The following VPS8 variants were observed in gnomAD, a reference collection of about 807,000 sequenced individuals.
VPS8 encodes the protein vacuolar protein sorting-associated protein 8 homolog.
In VPS8, 129 loss-of-function variants were observed where a neutral mutation model predicts 216.4. The observed-to-expected ratio is 0.60, with a 90% CI of 0.52 to 0.69. The LOEUF is 0.69. Among genes scored for constraint, VPS8 ranks in the 30% least tolerant of loss-of-function variants. VPS8 has a pLI of 0.00. For missense variants in VPS8, 1,531 were observed against 1,683.5 expected (o/e 0.91, Z 1.59); for synonymous variants, 571 against 565.4 (o/e 1.01, Z -0.14).
intron 40 of VPS8, among the ~76,000 whole-genome samples, chr3:184,977,030 A>G (rs1749389496): frequency 6.6e-6 from 1 of 152,244 alleles, no homozygotes; most frequent in East Asian, 1.9e-4. Flanking sequence ...CTTTTGAGAA[A>G]TCTCCAAACT....
intron 7 of VPS8, 180 bp downstream of exon 7, chr3:184,839,932 T>C (rs983979245): frequency 2.2e-6 from 3 of 1,361,754 alleles, no homozygotes; most frequent in African/African-American, 3.0e-5. Flanking sequence ...TTTGTTTTGC[T>C]GCTTATTGCA....
chr3:184,882,469 C>T (rs548032836), intron 21 of VPS8: 2 of 421,542 alleles, frequency 4.7e-6, no homozygotes, highest in East Asian at 1.4e-4. Flanking sequence ...AATTATCATT[C>T]CTAATATTTT....
chr3:184,923,964 A>G (rs1204644444), intron 29 of VPS8, among the ~76,000 whole-genome samples: 1 of 152,194 alleles, frequency 6.6e-6, no homozygotes, highest in Non-Finnish European at 1.5e-5. Context: ...CAGTCATTAT[A>G]TTATGCCTTT....
intron 8 of VPS8, among the ~76,000 whole-genome samples, chr3:184,848,032 C>T (rs1017893811): frequency 2.0e-5 from 3 of 152,102 alleles, no homozygotes; most frequent in Admixed American, 6.5e-5. Context: ...CCTGCCTCAG[C>T]CTCCCAAGTA....
At chr3:184,825,980 C>G (rs920586358) in intron 2 of VPS8, among the ~76,000 whole-genome samples, 183 bp from the exon 3 acceptor site, 5 of 151,528 alleles carry the variant, frequency 3.3e-5, no homozygotes, top group Admixed American at 1.3e-4. Context: ...GGTAACTGAA[C>G]GTGTAGATAG....
intron 45 of VPS8, among the ~76,000 whole-genome samples, chr3:185,005,622 T>A (rs1754134074): frequency 6.7e-6 from 1 of 148,970 alleles, no homozygotes; most frequent in Admixed American, 6.7e-5. Context: ...AGTATTTTAT[T>A]TATTTTATTT....
At chr3:185,020,188 C>T (rs566081185) in intron 45 of VPS8, among the ~76,000 whole-genome samples, 21 of 152,270 alleles carry the variant, frequency 1.4e-4, no homozygotes, top group African/African-American at 4.8e-4. Flanking sequence ...ACCTAAATGT[C>T]CCAATAGCCC....
At chr3:184,974,005 CAG>C (rs923663634) in intron 40 of VPS8, among the ~76,000 whole-genome samples, 1 of 152,096 alleles carries the variant, frequency 6.6e-6, no homozygotes, top group Non-Finnish European at 1.5e-5. Context: ...CCACAGTAAA[CAG>C]GGGTGCAAGT....
chr3:184,875,814 T>C (rs1729150780), intron 21 of VPS8, among the ~76,000 whole-genome samples: 1 of 143,654 alleles, frequency 7.0e-6, no homozygotes, highest in African/African-American at 2.6e-5. Flanking sequence ...AGTGAAACCT[T>C]GTCTCTACAA....
intron 40 of VPS8, among the ~76,000 whole-genome samples, chr3:184,979,612 A>G (rs1281240151): frequency 6.6e-6 from 1 of 152,138 alleles, no homozygotes; most frequent in Non-Finnish European, 1.5e-5. Context: ...TGAAATTAGA[A>G]TAGCAACCCC....
chr3:184,987,368 C>T (rs1209742941), intron 42 of VPS8, among the ~76,000 whole-genome samples: 2 of 152,080 alleles, frequency 1.3e-5, no homozygotes, highest in African/African-American at 4.8e-5. Flanking sequence ...CCCACCTCTG[C>T]CTCCCAAAGT....
At chr3:184,819,901 A>G (rs1717184051) in intron 1 of VPS8, among the ~76,000 whole-genome samples, 1 of 152,220 alleles carries the variant, frequency 6.6e-6, no homozygotes, top group African/African-American at 2.4e-5. Context: ...AAGAAAAGAT[A>G]TTAAGATTCT....
At chr3:184,953,568 T>G (rs964036925) in intron 36 of VPS8, among the ~76,000 whole-genome samples, 1 of 152,192 alleles carries the variant, frequency 6.6e-6, no homozygotes, top group Non-Finnish European at 1.5e-5. Context: ...GGGGCCCCCT[T>G]ATCTGAGTTC....
At chr3:184,869,434 A>G in intron 19 of VPS8, 48 bp from the exon 20 acceptor site, 1 of 1,588,886 alleles carries the variant, frequency 6.3e-7, no homozygotes, top group Non-Finnish European at 8.6e-7. Context: ...TCACTCCTAA[A>G]GATGTGGACT....
intron 8 of VPS8, among the ~76,000 whole-genome samples, chr3:184,844,350 G>A (rs142154495): frequency 0.016 from 2,396 of 152,202 alleles, 22 homozygotes; most frequent in Non-Finnish European, 0.025. Flanking sequence ...GAACTCAGGA[G>A]GCAGAGGCTG....
intron 44 of VPS8, among the ~76,000 whole-genome samples, chr3:184,998,479 T>A (rs1199916591): frequency 7.4e-6 from 1 of 134,982 alleles, no homozygotes; most frequent in East Asian, 2.2e-4. Context: ...AAGAGGAAGT[T>A]TATATATATA....
At chr3:185,012,266 T>C (rs1218931910) in intron 45 of VPS8, among the ~76,000 whole-genome samples, 2 of 148,008 alleles carry the variant, frequency 1.4e-5, no homozygotes, top group African/African-American at 4.9e-5. Context: ...ATTATAGATA[T>C]ATAATGTACA....
At chr3:184,903,939 G>A (rs1735029237) in intron 25 of VPS8, among the ~76,000 whole-genome samples, 1 of 151,864 alleles carries the variant, frequency 6.6e-6, no homozygotes, top group Non-Finnish European at 1.5e-5. Flanking sequence ...ATGATGTTTT[G>A]CAGTTTTTAA....
At chr3:185,039,207 A>T (rs1292924719) in intron 46 of VPS8, among the ~76,000 whole-genome samples, 1 of 152,046 alleles carries the variant, frequency 6.6e-6, no homozygotes, top group Admixed American at 6.6e-5. Context: ...TAGTTTCTTC[A>T]TTTGGTCTTT....
Sources: allele counts gnomAD v4.1 joint callset (sites outside exome capture counted in the v4.1 genomes callset), GRCh38; gene constraint gnomAD v4.1.1; transcripts MANE v1.5; gene names NCBI Gene and HGNC (gene_info 2026-07-23, HGNC 2026-07-21).